Variants in SOX6 observed in about 807,000 individuals in gnomAD.
SOX6 encodes transcription factor SOX-6.
A neutral mutation model predicts 97.8 loss-of-function variants in SOX6; 11 were observed. The ratio of observed to expected loss-of-function variants is 0.11; its 90% CI spans 0.07 to 0.19. The LOEUF (loss-of-function observed/expected upper bound fraction) is 0.19, where lower values mean the gene tolerates loss of function less well. Ranked by LOEUF, SOX6 falls within the 10% of genes least tolerant of loss-of-function variation. SOX6 has a pLI of 1.00. For missense variants in SOX6, 810 were observed against 1,039.5 expected (o/e 0.78, Z 3.04); for synonymous variants, 360 against 371.4 (o/e 0.97, Z 0.35).
At chr11:16,239,843 C>T (rs1056910797) in intron 3 of SOX6, among the ~76,000 whole-genome samples, 2 of 151,994 alleles carry the variant, frequency 1.3e-5, no homozygotes, top group African/African-American at 4.8e-5. Context: ...TGTCCTGGTC[C>T]TAATTTTTCA....
intron 1 of SOX6, among the ~76,000 whole-genome samples, chr11:16,348,445 A>T (rs1856826004): frequency 6.6e-6 from 1 of 152,164 alleles, no homozygotes; most frequent in East Asian, 1.9e-4. Flanking sequence ...GAGGAAACAC[A>T]TCTATCTTCT....
At chr11:16,251,477 T>TACG (rs1455890181) in intron 3 of SOX6, among the ~76,000 whole-genome samples, 1 of 56,426 alleles carries the variant, frequency 1.8e-5, no homozygotes, top group African/African-American at 6.0e-5. Flanking sequence ...AAGAGAATAG[T>TACG]ATGAAGATTA....
At chr11:16,638,388 C>T (rs1165209819) in intron 3 of SOX6, among the ~76,000 whole-genome samples, 2 of 152,068 alleles carry the variant, frequency 1.3e-5, no homozygotes, top group Non-Finnish European at 2.9e-5. Flanking sequence ...GTCTTTATAG[C>T]AGCATGATTT....
chr11:16,148,714 C>G (rs185648977), intron 6 of SOX6, among the ~76,000 whole-genome samples: 2 of 152,128 alleles, frequency 1.3e-5, no homozygotes, highest in African/African-American at 4.8e-5. Context: ...ATGCCTCTCT[C>G]TCCTTACTTT....
intron 4 of SOX6, among the ~76,000 whole-genome samples, chr11:16,539,498 A>T (rs1030759958): frequency 3.3e-5 from 5 of 151,924 alleles, no homozygotes; most frequent in Non-Finnish European, 7.4e-5. Flanking sequence ...ATAGAGACAT[A>T]AAAAAAACCT....
intron 12 of SOX6, chr11:16,031,575 C>T (rs1381186951): frequency 6.6e-6 from 1 of 152,164 alleles, no homozygotes; most frequent in Non-Finnish European, 1.5e-5. Flanking sequence ...GTATTACACA[C>T]TAGAGCCCTG....
rs1157865407 is a variant in SOX6, at chr11:16,590,012, AAAT to A, written n.609+22066_609+22068del. On this transcript the variant is annotated intron_variant and non_coding_transcript_variant, in intron 4 of 5. Coordinates refer to the SOX6 transcript ENST00000524520. ...AAAAAGGTTAAAATAATATACAAAA[AAAT>A]AATATGACAACAAACGTAAATACAT... Among the ~76,000 whole-genome samples the A allele has an allele frequency of 1.2e-4, 19 of 152,310 alleles. No individual in the cohort carries two copies. In the East Asian group the frequency reaches 3.5e-3, roughly 28 times the overall value.
At chr11:16,121,717 T>A (rs1196590948) in intron 6 of SOX6, among the ~76,000 whole-genome samples, 1 of 152,054 alleles carries the variant, frequency 6.6e-6, no homozygotes, top group East Asian at 1.9e-4. Context: ...ATAAGTCAGA[T>A]TTCTTTATAA....
intron 4 of SOX6, among the ~76,000 whole-genome samples, chr11:16,201,339 A>C (rs141416498): frequency 8.3e-4 from 126 of 152,194 alleles, no homozygotes; most frequent in Admixed American, 1.9e-3. Flanking sequence ...ATATTACATA[A>C]ATAGAACCCT....
At chr11:15,998,875 T>C (rs1854313272) in intron 13 of SOX6, among the ~76,000 whole-genome samples, 1 of 152,078 alleles carries the variant, frequency 6.6e-6, no homozygotes, top group African/African-American at 2.4e-5. Context: ...AAAATGACTC[T>C]TAGATACAAC....
At chr11:16,094,639 C>T (rs1848756640) in intron 9 of SOX6, among the ~76,000 whole-genome samples, 1 of 151,844 alleles carries the variant, frequency 6.6e-6, no homozygotes, top group Admixed American at 6.6e-5. Flanking sequence ...TAAACTTGTT[C>T]CTAATGTCCA....
chr11:16,704,134 T>C, intron 3 of SOX6, among the ~76,000 whole-genome samples: 1 of 152,214 alleles, frequency 6.6e-6, no homozygotes, highest in East Asian at 1.9e-4. Flanking sequence ...ATGATTTTCA[T>C]TTATTCTGGA....
At chr11:16,534,082 T>C (rs760467673) in intron 4 of SOX6, among the ~76,000 whole-genome samples, 4 of 152,134 alleles carry the variant, frequency 2.6e-5, no homozygotes, top group Non-Finnish European at 5.9e-5. Context: ...TTGTCAACCA[T>C]AACACATTTT....
intron 4 of SOX6, among the ~76,000 whole-genome samples, chr11:16,535,720 A>T (rs918062761): frequency 6.6e-6 from 1 of 152,220 alleles, no homozygotes; most frequent in Non-Finnish European, 1.5e-5. Context: ...TGCCAAATAA[A>T]TTAATAATTT....
chr11:16,144,150 TC>T (rs1171159577), intron 6 of SOX6, among the ~76,000 whole-genome samples: 1 of 152,110 alleles, frequency 6.6e-6, no homozygotes, highest in East Asian at 1.9e-4. Context: ...TAATAAACTG[TC>T]TCTCAGACCA....
chr11:16,206,505 C>T (rs1269762308), intron 4 of SOX6, among the ~76,000 whole-genome samples: 2 of 152,110 alleles, frequency 1.3e-5, no homozygotes, highest in African/African-American at 4.8e-5. Flanking sequence ...TCAGATTCCC[C>T]AGTTTAAAAT....
chr11:16,534,844 T>C (rs995302625), intron 4 of SOX6, among the ~76,000 whole-genome samples: 2 of 152,196 alleles, frequency 1.3e-5, no homozygotes, highest in Non-Finnish European at 2.9e-5. Context: ...GGAGCCTTGA[T>C]GCCATATCCT....
intron 9 of SOX6, among the ~76,000 whole-genome samples, chr11:16,069,155 T>C (rs185797143): frequency 6.6e-6 from 1 of 152,346 alleles, no homozygotes; most frequent in East Asian, 1.9e-4. Flanking sequence ...GCACTGATTT[T>C]CTTGCAAACA....
intron 6 of SOX6, among the ~76,000 whole-genome samples, chr11:16,165,386 A>G (rs754180630): frequency 2.6e-5 from 4 of 152,200 alleles, no homozygotes; most frequent in Non-Finnish European, 5.9e-5. Context: ...AGGGACTTAA[A>G]TGTTTAAAGA....
Sources: allele counts gnomAD v4.1 joint callset (sites outside exome capture counted in the v4.1 genomes callset), GRCh38; gene constraint gnomAD v4.1.1; transcripts MANE v1.5; gene names NCBI Gene and HGNC (gene_info 2026-07-23, HGNC 2026-07-21).